The following DGKB variants were observed in gnomAD, a reference collection of about 807,000 sequenced individuals.
DGKB encodes the protein diacylglycerol kinase beta.
DGKB carries 67 observed loss-of-function variants against 114.3 expected under a neutral mutation model. That is an observed-to-expected ratio of 0.59 (90% CI 0.48 to 0.72). DGKB has a LOEUF of 0.72. DGKB is among the 30% of genes least tolerant of loss of function. The probability of loss-of-function intolerance (pLI) is 0.00; values close to 1 mark genes in which losing one functional copy is unlikely to be tolerated. For missense variants in DGKB, 907 were observed against 975.2 expected, an observed-to-expected ratio of 0.93 and a Z score of 0.93; for synonymous variants, 398 against 323.1, an observed-to-expected ratio of 1.23 and a Z score of -2.49.
chr7:14,391,446 C>T (rs1372316439), intron 21 of DGKB, among the ~76,000 whole-genome samples: 1 of 150,994 alleles, frequency 6.6e-6, no homozygotes, highest in African/African-American at 2.4e-5. Context: ...TTTTGAGAGG[C>T]TGAGGCAGGT....
At chr7:14,907,310 C>G (rs765486483), upstream of DGKB, among the ~76,000 whole-genome samples, 2 of 152,212 alleles carry the variant, frequency 1.3e-5, no homozygotes, top group East Asian at 3.9e-4. Context: ...ACAGGCCTTT[C>G]CACTGGACTT....
At chr7:14,475,320 G>C (rs1176098519) in intron 21 of DGKB, among the ~76,000 whole-genome samples, 1 of 152,102 alleles carries the variant, frequency 6.6e-6, no homozygotes, top group Non-Finnish European at 1.5e-5. Flanking sequence ...ATCTGCCATT[G>C]TAAGTATGAA....
At chr7:14,940,246 A>G (rs764015509) in intron 1 of DGKB, among the ~76,000 whole-genome samples, 1 of 152,204 alleles carries the variant, frequency 6.6e-6, no homozygotes, top group Non-Finnish European at 1.5e-5. Context: ...TCACAAGAAC[A>G]CAAATAGGGC....
At chr7:14,634,952 A>C (rs1297188878) in intron 13 of DGKB, among the ~76,000 whole-genome samples, 1 of 151,658 alleles carries the variant, frequency 6.6e-6, no homozygotes, top group Non-Finnish European at 1.5e-5. Context: ...TAAAACCTTT[A>C]GTAAGAGATT....
intron 20 of DGKB, among the ~76,000 whole-genome samples, chr7:14,554,728 G>T (rs1162585309): frequency 6.6e-6 from 1 of 151,832 alleles, no homozygotes; most frequent in Non-Finnish European, 1.5e-5. Flanking sequence ...TTGTAATTTT[G>T]AACAATTTGA....
At chr7:14,696,521 A>G (rs1287311492) in intron 8 of DGKB, among the ~76,000 whole-genome samples, 7 of 148,978 alleles carry the variant, frequency 4.7e-5, no homozygotes, top group Admixed American at 2.0e-4. Flanking sequence ...AAAAAAAAAA[A>G]AAAAAAAAAA....
At chr7:14,491,320 C>T (rs370085281) in intron 20 of DGKB, among the ~76,000 whole-genome samples, 5 of 152,040 alleles carry the variant, frequency 3.3e-5, no homozygotes, top group Non-Finnish European at 5.9e-5. Context: ...CATATTCTCT[C>T]TCTTGTCTGC....
chr7:14,694,832 C>G (rs1823529313), intron 8 of DGKB, among the ~76,000 whole-genome samples: 1 of 152,060 alleles, frequency 6.6e-6, no homozygotes, highest in Non-Finnish European at 1.5e-5. Context: ...GTATTATAAG[C>G]AGACGAGCCC....
intron 21 of DGKB, among the ~76,000 whole-genome samples, chr7:14,387,467 C>T (rs1436045511): frequency 1.3e-5 from 2 of 150,546 alleles, no homozygotes; most frequent in African/African-American, 4.9e-5. Flanking sequence ...GGCTGGAGTG[C>T]AGTGGCATAA....
intron 1 of DGKB, among the ~76,000 whole-genome samples, chr7:14,912,094 TATAA>T (rs771380202): frequency 1.3e-5 from 2 of 152,170 alleles, no homozygotes; most frequent in Non-Finnish European, 2.9e-5. Context: ...TTTATTGGAA[TATAA>T]ATAGAGGCAA....
intron 2 of DGKB, among the ~76,000 whole-genome samples, chr7:14,786,160 A>ACACACG (rs1004909265): frequency 6.6e-5 from 10 of 151,022 alleles, no homozygotes; most frequent in African/African-American, 2.2e-4. Context: ...ACACACACAC[A>ACACACG]CACGCACACA....
rs1809126860 is a variant in DGKB at position 14,328,392 on chromosome 7, G to C, written c.2122+10123C>G. On this transcript the variant is annotated intron_variant, in intron 23 of 25. Coordinates refer to ENST00000402815, the MANE Select transcript of DGKB (RefSeq NM_001350709.2). ...TAGCAGCTGATTTTTTATTAAACCA[G>C]AGCCAAATTACTAATTTCAGTATTA... Among the ~76,000 whole-genome samples, 3 of 151,932 alleles carry C rather than the reference G, an allele frequency of 2.0e-5. No individual in the cohort carries two copies. In the South Asian group the frequency reaches 6.2e-4, roughly 31 times the overall value.
At chr7:14,328,821 T>A (rs1809206323) in intron 23 of DGKB, among the ~76,000 whole-genome samples, 1 of 152,038 alleles carries the variant, frequency 6.6e-6, no homozygotes, top group Admixed American at 6.6e-5. Context: ...TGTCACCTTA[T>A]AATATTCAGA....
chr7:14,959,843 C>A (rs534920757), intron 1 of DGKB, among the ~76,000 whole-genome samples: 5 of 151,786 alleles, frequency 3.3e-5, no homozygotes, highest in African/African-American at 1.2e-4. Context: ...TATCCCACTT[C>A]ATATGAAAAT....
At chr7:14,160,129 A>C (rs1186259908) in intron 25 of DGKB, among the ~76,000 whole-genome samples, 4 of 152,114 alleles carry the variant, frequency 2.6e-5, no homozygotes, top group Admixed American at 6.5e-5. Flanking sequence ...GTTTTTCAAA[A>C]TAATAATAGC....
intron 5 of DGKB, among the ~76,000 whole-genome samples, chr7:14,724,136 T>C (rs1312372223): frequency 4.6e-5 from 7 of 152,196 alleles, no homozygotes; most frequent in Non-Finnish European, 1.0e-4. Context: ...ACACTGGCAA[T>C]TTAGCTTTTT....
intron 23 of DGKB, among the ~76,000 whole-genome samples, chr7:14,311,565 G>A (rs368449468): frequency 1.4e-4 from 21 of 152,122 alleles, no homozygotes; most frequent in African/African-American, 4.8e-4. Context: ...TGGGATGACC[G>A]GTGCATGCCA....
intron 2 of DGKB, among the ~76,000 whole-genome samples, chr7:14,801,316 G>C (rs560073217): frequency 6.6e-6 from 1 of 152,230 alleles, no homozygotes; most frequent in South Asian, 2.1e-4. Context: ...TTTGTTTGGA[G>C]ATTAAGAATG....
chr7:14,493,958 ACAC>A (rs935208816), intron 20 of DGKB, among the ~76,000 whole-genome samples: 32 of 147,502 alleles, frequency 2.2e-4, no homozygotes, highest in Middle Eastern at 3.5e-3. Flanking sequence ...ACACACACAC[ACAC>A]ATCTATGTAC....
Sources: gnomAD v4.1 joint callset for allele counts (sites outside exome capture counted in the v4.1 genomes callset) on GRCh38, gnomAD v4.1.1 for gene constraint, MANE v1.5 for transcripts, NCBI Gene and HGNC (gene_info 2026-07-23, HGNC 2026-07-21) for gene names.